NPR2: variants seen among roughly 807,000 people sequenced by gnomAD.
NPR2 encodes atrial natriuretic peptide receptor 2.
In NPR2, 49 loss-of-function variants were observed where a neutral mutation model predicts 120.7. The observed-to-expected ratio is 0.41, with a 90% CI of 0.32 to 0.52. The LOEUF (loss-of-function observed/expected upper bound fraction) is 0.52. NPR2 is among the 20% of genes least tolerant of loss of function. The pLI is 0.36. For missense variants in NPR2, 931 were observed against 1,362.9 expected (o/e 0.68, Z 4.99); for synonymous variants, 484 against 519.8 (o/e 0.93, Z 0.94).
rs1438163323 is a variant in NPR2 at position 35,809,290 on chromosome 9, G to A, written c.3078+43G>A. 1 of 1,610,718 alleles carries A rather than the reference G, an allele frequency of 6.2e-7. No individual in the cohort carries two copies. The highest frequency in any genetic ancestry group is 8.5e-7 in the Non-Finnish European group (1 of 1,177,336). On this transcript the variant is annotated intron_variant, in intron 21 of 21. Transcript: ENST00000342694. This position sits in a 1 kb window ranked among gnomAD's most constrained non-coding sequence, Gnocchi z 4.1. Reference sequence around the variant, plus strand: ...GGAGGGGGGCATGGAAAGGGAGGGTGAAAGTGATTATGGGAATCATAGGGA... The same window carrying A: ...GGAGGGGGGCATGGAAAGGGAGGGTAAAAGTGATTATGGGAATCATAGGGA...
chr9:35,807,441 A>C, intron 18 of NPR2, 43 bp downstream of exon 18: 1 of 1,481,744 alleles, frequency 6.7e-7, no homozygotes, highest in South Asian at 1.1e-5. Flanking sequence ...CCTTTAATAG[A>C]GACCCGCTTT....
At chr9:35,799,072 G>A (rs375214626) in intron 2 of NPR2, among the ~76,000 whole-genome samples, 9 of 152,194 alleles carry the variant, frequency 5.9e-5, no homozygotes, top group East Asian at 1.9e-4. Flanking sequence ...CATAGGGCCT[G>A]AAATCTCTCT....
At position 35,792,457 on chromosome 9, in the gene NPR2, G is replaced by A. The variant is rs781081563; in HGVS notation, c.49G>A (p.Val17Met). Residue 17 changes from valine to methionine, a missense_variant, in exon 1 of 22, where the codon GTG becomes ATG. Val to Met is a conservative substitution (Grantham distance 21). Around this residue, in one of 3 missense-constraint regions of NPR2, gnomAD observed 681 missense variants for 974.3 expected, o/e 0.70. Transcript: ENST00000342694. ...LLLVAALAGG[V>M]RPPGARNLTL... ...GTTGGTGGCAGCCCTGGCAGGTGGGGTGCGTCCTCCCGGGGCGCGGAACCT... is the reference window on the plus strand; with the variant it reads ...GTTGGTGGCAGCCCTGGCAGGTGGGATGCGTCCTCCCGGGGCGCGGAACCT... 3.1e-6 allele frequency: 5 copies of A among 1,611,252 alleles called. No homozygotes were observed. The East Asian group carries it at 1.1e-4, about 36-fold the overall frequency.
rs543461035 is a variant in NPR2 at position 35,809,119 on chromosome 9, C to A, written c.2987-37C>A. ...TTATTTGATTGCCTTTTCTTTGATTCCTCATTCCACCATCCTCCCCATTCC... is the reference window on the plus strand; with the variant it reads ...TTATTTGATTGCCTTTTCTTTGATTACTCATTCCACCATCCTCCCCATTCC... On this transcript the variant is annotated intron_variant, in intron 20 of 21. Coordinates refer to ENST00000342694, the MANE Select transcript of NPR2 (RefSeq NM_003995.4). This position sits in a 1 kb window ranked among gnomAD's most constrained non-coding sequence, Gnocchi z 4.1. 2 of 1,557,204 alleles carry A rather than the reference C, an allele frequency of 1.3e-6. No individual in the cohort carries two copies. Among genetic ancestry groups the A allele is most frequent in the African/African-American group, 1.4e-5 (1 of 73,868 alleles).
chr9:35,800,332 G>A lies in NPR2; in HGVS notation c.1124-57G>A, dbSNP rs972946536. On this transcript the variant is annotated intron_variant, in intron 4 of 21. Coordinates refer to ENST00000342694, the MANE Select transcript of NPR2 (RefSeq NM_003995.4). The surrounding 1 kb of genome is among the most constrained non-coding windows in gnomAD (Gnocchi z 4.7). ...CTCTGAGGGAGCCGTAGGCATGAGT[G>A]AGTGGGAGAGGAGCCCAGGGTAGAC... 7 of 1,517,814 alleles carry A rather than the reference G, an allele frequency of 4.6e-6. No homozygotes were observed. The highest frequency in any genetic ancestry group is 5.5e-6 in the Non-Finnish European group (6 of 1,092,176). 94.0% of individuals were successfully genotyped at this position (1,517,814 alleles called of 1,614,324 possible).
Position 35,802,257 on chromosome 9 carries a change from C to A in NPR2, c.1684C>A (p.Arg562=). The A allele has an allele frequency of 1.2e-6, 2 of 1,605,168 alleles. No homozygotes were observed. Among genetic ancestry groups the A allele is most frequent in the Non-Finnish European group, 1.7e-6 (2 of 1,172,372 alleles). Residue 562 remains arginine (R), a synonymous_variant, in exon 10 of 22, where the codon CGG becomes AGG. Coordinates refer to ENST00000342694, the MANE Select transcript of NPR2 (RefSeq NM_003995.4). The surrounding 1 kb of genome is among the most constrained non-coding windows in gnomAD (Gnocchi z 4.2). ...GAATAAGAAGCGCATTGAGCTGACC[C>A]GGCAGGTTCTGTTTGAACTCAAACA... The part of the protein sequence containing the change: ...HVNKKRIELT[R]QVLFELKHMR...
At position 35,793,885 on chromosome 9, in the gene NPR2, T is replaced by A. The variant is rs757704109; in HGVS notation, c.668-13T>A. On this transcript the variant is annotated splice_polypyrimidine_tract_variant and intron_variant, in intron 1 of 21. Transcript: ENST00000342694. ...CTTCTCAGGGTGCTCCTCTGTCATG[T>A]ACCTGCTCCCAGTTGTGTATATCTG... The A allele has an allele frequency of 3.7e-6, 6 of 1,613,960 alleles. No individual in the cohort carries two copies. The highest frequency in any genetic ancestry group is 5.1e-6 in the Non-Finnish European group (6 of 1,179,910).
chr9:35,809,273 G>T lies in NPR2; in HGVS notation c.3078+26G>T, dbSNP rs367545714. On this transcript the variant is annotated intron_variant, in intron 21 of 21. Coordinates refer to ENST00000342694, the MANE Select transcript of NPR2 (RefSeq NM_003995.4). This position sits in a 1 kb window ranked among gnomAD's most constrained non-coding sequence, Gnocchi z 4.1. Reference sequence around the variant, plus strand: ...GTGATGGCAGGCCATGGGGAGGGGGGCATGGAAAGGGAGGGTGAAAGTGAT... The same window carrying T: ...GTGATGGCAGGCCATGGGGAGGGGGTCATGGAAAGGGAGGGTGAAAGTGAT... 1.9e-6 allele frequency: 3 copies of T among 1,608,438 alleles called. No homozygotes were observed. The highest frequency in any genetic ancestry group is 2.7e-5 in the African/African-American group (2 of 74,800).
Position 35,805,898 on chromosome 9 carries a change from G to C in NPR2, c.2116G>C (p.Asp706His), listed in dbSNP as rs2132090468. 1 of 1,614,172 alleles carries C rather than the reference G, an allele frequency of 6.2e-7. No individual in the cohort carries two copies. Among genetic ancestry groups the C allele is most frequent in the Non-Finnish European group, 8.5e-7 (1 of 1,179,994 alleles). The change falls in exon 14 of 22, where the codon GAC becomes CAC. Residue 706 changes from aspartate to histidine, a missense_variant. By Grantham distance (81) the Asp-to-His change is moderately conservative. This residue lies in a region of NPR2 where 681 missense variants were observed against 974.3 expected (regional missense o/e 0.70). Transcript: ENST00000342694. The surrounding 1 kb of genome is among the most constrained non-coding windows in gnomAD (Gnocchi z 4.9). ...GCCAACCACAGGCATGCAGAAGGCT[G>C]ACGTCTATAGCTTTGGGATCATCCT... is the stretch of plus-strand genomic sequence containing the variant. ...PLPTTGMQKA[D>H]VYSFGIILQE...
At chr9:35,807,582 T>C (rs1369407869) in intron 18 of NPR2, among the ~76,000 whole-genome samples, 184 bp downstream of exon 18, 3 of 152,144 alleles carry the variant, frequency 2.0e-5, no homozygotes, top group Non-Finnish European at 2.9e-5. Flanking sequence ...AATTGTACAC[T>C]CCAGTCGAAT....
At chr9:35,799,522 A>C in intron 2 of NPR2, 96 bp from the exon 3 acceptor site, 1 of 868,452 alleles carries the variant, frequency 1.2e-6, no homozygotes, top group Non-Finnish European at 2.0e-6. Flanking sequence ...ATTTTATATC[A>C]TGTATATTTT....
intron 12 of NPR2, among the ~76,000 whole-genome samples, chr9:35,803,383 C>T (rs1204858472): frequency 1.2e-5 from 1 of 82,148 alleles, no homozygotes; most frequent in African/African-American, 8.1e-5. Flanking sequence ...GGATTACAGG[C>T]GTGAGCCACC....
At position 35,801,927 on chromosome 9, in the gene NPR2, G is replaced by A. The variant is rs370299485; in HGVS notation, c.1559G>A (p.Arg520Gln). Residue 520 changes from arginine to glutamine, a missense_variant and splice_region_variant, in exon 9 of 22, where the codon CGG becomes CAG. Transcript: ENST00000342694. ...CCTCCATGTTGCCCTTGGCCCCAGC[G>A]GGGATCCAGTTACGGCTCGCTCATG... ...GAGSRLTLSLRGSSYGSLMTA... is the reference protein window; with the variant it reads ...GAGSRLTLSLQGSSYGSLMTA... 22 of 1,613,956 alleles carry A rather than the reference G, an allele frequency of 1.4e-5. No individual in the cohort carries two copies. In the East Asian group the frequency reaches 1.6e-4, roughly 11 times the overall value.
At position 35,809,092 on chromosome 9, in the gene NPR2, A is replaced by G. The variant is rs1828599655; in HGVS notation, c.2987-64A>G. 6.9e-7 allele frequency: 1 copy of G among 1,440,706 alleles called. No individual in the cohort carries two copies. Among genetic ancestry groups the G allele is most frequent in the South Asian group, 1.1e-5 (1 of 87,640 alleles). The allele number at this position is 1,440,706 out of a possible 1,614,324, so 89.2% of individuals were successfully genotyped here. On this transcript the variant is annotated intron_variant, in intron 20 of 21. Coordinates refer to ENST00000342694, the MANE Select transcript of NPR2 (RefSeq NM_003995.4). This position sits in a 1 kb window ranked among gnomAD's most constrained non-coding sequence, Gnocchi z 4.1. ...GGGCACGGTGCTATACAGTATCACCAATTATTTGATTGCCTTTTCTTTGAT... is the reference window on the plus strand; with the variant it reads ...GGGCACGGTGCTATACAGTATCACCGATTATTTGATTGCCTTTTCTTTGAT...
rs1459552048 is a variant in NPR2 at position 35,801,739 on chromosome 9, A to G, written c.1533A>G (p.Ala511=). 8.1e-6 allele frequency: 13 copies of G among 1,614,094 alleles called. No homozygotes were observed. Among genetic ancestry groups the G allele is most frequent in the Non-Finnish European group, 1.1e-5 (13 of 1,180,042 alleles). ...FGNSERYHKG[A]GSRLTLSLRG... is the part of the protein sequence containing the mutation. ...ACTCAGAGCGTTATCACAAAGGTGC[A>G]GGCAGTCGCCTCACACTGTCGCTGG... The change falls in exon 8 of 22, where the codon GCA becomes GCG. Residue 511 remains alanine, a synonymous_variant. Coordinates refer to ENST00000342694, the MANE Select transcript of NPR2 (RefSeq NM_003995.4).
chr9:35,801,531 G>C (rs1447331131), intron 7 of NPR2, 112 bp from the exon 8 acceptor site: 6 of 1,113,086 alleles, frequency 5.4e-6, no homozygotes, highest in Non-Finnish European at 8.3e-6. Context: ...CTGTCTCTCA[G>C]GTGTAACAGT....
intron 2 of NPR2, among the ~76,000 whole-genome samples, chr9:35,797,469 A>G (rs1362515759): frequency 6.6e-6 from 1 of 152,128 alleles, no homozygotes; most frequent in African/African-American, 2.4e-5. Flanking sequence ...CTTGGAGATC[A>G]CTTGTCTCAT....
chr9:35,802,106 C>A lies in NPR2; in HGVS notation c.1633-100C>A. On this transcript the variant is annotated intron_variant, in intron 9 of 21. Transcript: ENST00000342694. This position sits in a 1 kb window ranked among gnomAD's most constrained non-coding sequence, Gnocchi z 4.2. ...TGTCCCTCATACCCGACTCTCTGTG[C>A]CCAGCTGAGCTCCTGGGTGCTTCCA... The A allele has an allele frequency of 2.3e-6, 3 of 1,317,432 alleles. No individual in the cohort carries two copies. Among genetic ancestry groups the A allele is most frequent in the Non-Finnish European group, 3.3e-6 (3 of 909,368 alleles). 81.6% of individuals were successfully genotyped at this position (1,317,432 alleles called of 1,614,324 possible). A position where few individuals can be genotyped will look rare whatever the true frequency, so the allele number is the denominator to read the frequency against.
chr9:35,807,485 C>A, intron 18 of NPR2, 87 bp downstream of exon 18: 2 of 1,053,600 alleles, frequency 1.9e-6, no homozygotes, highest in Non-Finnish European at 1.5e-6. Context: ...ACACACCTTA[C>A]CCACCCCATG....
Sources: gnomAD v4.1 joint callset for allele counts (sites outside exome capture counted in the v4.1 genomes callset) on GRCh38, gnomAD v4.1.1 for gene constraint, gnomAD v4.1.1 regional missense constraint, Gnocchi (gnomAD v3.1) non-coding constraint, MANE v1.5 for transcripts, NCBI Gene and HGNC (gene_info 2026-07-23, HGNC 2026-07-21) for gene names.